Variants in MCMBP observed in about 807,000 individuals in gnomAD.
MCMBP encodes the protein mini-chromosome maintenance complex-binding protein.
Under a neutral mutation model 81.3 loss-of-function variants are expected in MCMBP, and 31 were observed. That is an observed-to-expected ratio of 0.38 (90% confidence interval 0.29 to 0.51). The LOEUF is 0.51. MCMBP is among the 20% of genes least tolerant of loss of function. The pLI is 0.87. For missense variants in MCMBP, 645 were observed against 772.1 expected (o/e 0.84, Z 1.95); for synonymous variants, 267 against 275.9 (o/e 0.97, Z 0.32).
At chr10:119,849,711 A>C (rs1852740888) in intron 6 of MCMBP, 135 bp from the exon 7 acceptor site, 1 of 707,506 alleles carries the variant, frequency 1.4e-6, no homozygotes, top group Non-Finnish European at 2.2e-6. Context: ...TACAGTTTTT[A>C]AGGAAACAGC....
At chr10:119,851,866 G>A (rs1037195547) in intron 6 of MCMBP, among the ~76,000 whole-genome samples, 1 of 152,012 alleles carries the variant, frequency 6.6e-6, no homozygotes, top group Non-Finnish European at 1.5e-5. Context: ...TGTTAAATTT[G>A]CCTTGGCCAG....
In MCMBP at chr10:119,840,846, T is replaced by C; in HGVS notation, c.1239A>G (p.Pro413=). The change falls in exon 11 of 16, where the codon CCA becomes CCG. Residue 413 remains proline, a synonymous_variant. Transcript: ENST00000369077. The part of the protein sequence containing the change: ...HLYRIIQHLV[P]ASFRLQMTIE... ...TACATATTTATATTCATCTTACTGC[T>C]GGAACAAGATGTTGAATAATTCGAT... 6.4e-7 allele frequency: 1 copy of C among 1,573,110 alleles called. No individual in the cohort carries two copies. The highest frequency in any genetic ancestry group is 8.7e-7 in the Non-Finnish European group (1 of 1,155,750).
At chr10:119,869,156 A>AGGGTCT (rs1853575226) in intron 1 of MCMBP, among the ~76,000 whole-genome samples, 1 of 152,202 alleles carries the variant, frequency 6.6e-6, no homozygotes, top group East Asian at 1.9e-4. Flanking sequence ...ATTGGAGATG[A>AGGGTCT]GGGTCTGGGT....
chr10:119,864,502 T>A (rs1853379119), intron 1 of MCMBP, among the ~76,000 whole-genome samples: 1 of 149,572 alleles, frequency 6.7e-6, no homozygotes, highest in African/African-American at 2.4e-5. Flanking sequence ...TGTCTTCCTT[T>A]TTTTCTTTTC....
intron 1 of MCMBP, among the ~76,000 whole-genome samples, chr10:119,861,680 C>T (rs543796899): frequency 1.1e-4 from 16 of 152,288 alleles, no homozygotes; most frequent in Admixed American, 3.9e-4. Flanking sequence ...AGTAAAGCTA[C>T]ATCAAGCAGT....
In MCMBP at chr10:119,859,783, AT is replaced by A; in HGVS notation, c.144+15del. Reference sequence around the variant, plus strand: ...GTCTGTCCAACCCTCTCCCTCGAAAATAGCAATAAGCTTACCCACTTAGGAG... The same window carrying A: ...GTCTGTCCAACCCTCTCCCTCGAAAAAGCAATAAGCTTACCCACTTAGGAG... On this transcript the variant is annotated intron_variant, in intron 2 of 15. Coordinates refer to ENST00000369077, the MANE Select transcript of MCMBP (RefSeq NM_001256378.2). The A allele has an allele frequency of 6.3e-7, 1 of 1,586,370 alleles. No homozygotes were observed. The highest frequency in any genetic ancestry group is 1.1e-5 in the South Asian group (1 of 89,942).
intron 13 of MCMBP, among the ~76,000 whole-genome samples, chr10:119,836,053 C>CA (rs1338287229): frequency 2.6e-5 from 4 of 152,182 alleles, no homozygotes; most frequent in Non-Finnish European, 5.9e-5. Context: ...AGGCTGGCCT[C>CA]AAAGTTCTGG....
intron 9 of MCMBP, chr10:119,843,028 C>T: frequency 2.1e-6 from 1 of 484,902 alleles, no homozygotes. Context: ...GCTAAGATTA[C>T]AGGCGTGAGC....
In MCMBP at chr10:119,859,117, C is replaced by G; in HGVS notation, c.209G>C (p.Cys70Ser). 6.2e-7 allele frequency: 1 copy of G among 1,613,960 alleles called. No individual in the cohort carries two copies. Among genetic ancestry groups the G allele is most frequent in the Non-Finnish European group, 8.5e-7 (1 of 1,179,894 alleles). ...AGGGTCAAACATATCCTGAATCATG[C>G]AACGAAATTTCACAAAACTATTAGG... is the stretch of plus-strand genomic sequence containing the variant. The part of the protein sequence containing the change: ...LKPNSFVKFR[C>S]MIQDMFDPEF... The change falls in exon 3 of 16, where the codon TGC (cysteine) becomes TCC (serine). Residue 70 changes from cysteine to serine, a missense_variant. Coordinates refer to ENST00000369077, the MANE Select transcript of MCMBP (RefSeq NM_001256378.2).
rs1254778286 is a variant in MCMBP at position 119,859,117 on chromosome 10, CA to C, written c.208del (p.Cys70AlafsTer2). The C allele has an allele frequency of 6.2e-7, 1 of 1,613,960 alleles. No individual in the cohort carries two copies. Among genetic ancestry groups the C allele is most frequent in the Admixed American group, 1.7e-5 (1 of 60,014 alleles). ...LKPNSFVKFR[C>X]MIQDMFDPEF... is the part of the protein sequence containing the mutation. Reference sequence around the variant, plus strand: ...AGGGTCAAACATATCCTGAATCATGCAACGAAATTTCACAAAACTATTAGGT... The same window carrying C: ...AGGGTCAAACATATCCTGAATCATGCACGAAATTTCACAAAACTATTAGGT... On this transcript the variant is annotated frameshift_variant, in exon 3 of 16. Coordinates refer to ENST00000369077, the MANE Select transcript of MCMBP (RefSeq NM_001256378.2). LOFTEE classifies it high-confidence loss of function.
At chr10:119,871,810 C>G (rs1228642611) in intron 1 of MCMBP, among the ~76,000 whole-genome samples, 7 of 152,198 alleles carry the variant, frequency 4.6e-5, no homozygotes, top group Non-Finnish European at 1.0e-4. Flanking sequence ...CAAATATAAA[C>G]TTTTCTTCGT....
In MCMBP at chr10:119,829,890, T is replaced by G. The variant is rs6881; in HGVS notation, c.*1584A>C. ...TGTATTTTTCTTTGGTAAATTACAA[T>G]TTACATTGGCACAAAAAACACATGG... is the stretch of plus-strand genomic sequence containing the variant. On this transcript the variant is annotated 3_prime_UTR_variant, in exon 16 of 16. Transcript: ENST00000369077. 0.51 allele frequency: 77,112 copies of G among 152,258 alleles called. 19,769 individuals are homozygous for G. Among genetic ancestry groups the G allele is most frequent in the East Asian group, 0.63 (3,242 of 5,178 alleles). 9.4% of individuals were successfully genotyped at this position (152,258 alleles called of 1,614,324 possible).
At chr10:119,857,231 T>C (rs1482287651) in intron 5 of MCMBP, 107 bp downstream of exon 5, 3 of 762,710 alleles carry the variant, frequency 3.9e-6, no homozygotes, top group African/African-American at 1.8e-5. Flanking sequence ...TTAGAACAAA[T>C]GAAACACACT....
At chr10:119,837,933 A>C (rs1407566358) in intron 12 of MCMBP, among the ~76,000 whole-genome samples, 1 of 152,144 alleles carries the variant, frequency 6.6e-6, no homozygotes, top group Non-Finnish European at 1.5e-5. Context: ...GCACTGTGGG[A>C]GGCCAAGGCA....
In MCMBP at chr10:119,849,564, C is replaced by G; in HGVS notation, c.587G>C (p.Gly196Ala). 1 of 1,581,636 alleles carries G rather than the reference C, an allele frequency of 6.3e-7. No individual in the cohort carries two copies. Residue 196 changes from glycine to alanine, a missense_variant, in exon 7 of 16, where the codon GGT becomes GCT. Coordinates refer to ENST00000369077, the MANE Select transcript of MCMBP (RefSeq NM_001256378.2). ...AGARQAGSVG[G>A]LQWCGEPKRL... ...TTTTGGCTCTCCACACCATTGAAGA[C>G]CACCAACACTCCCTAAATTCAAAGG...
intron 6 of MCMBP, 40 bp downstream of exon 6, chr10:119,852,991 TGAAAACCAATCTACTGTAA>T: frequency 1.3e-6 from 2 of 1,593,570 alleles, no homozygotes; most frequent in South Asian, 2.2e-5. Context: ...CAATTCACTC[TGAAAACCAATCTACTGTAA>T]GAGAGCAAAG....
chr10:119,847,961 AAAAAAAAGGCTTTTCCTAAAATT>A (rs1257849600), intron 7 of MCMBP, among the ~76,000 whole-genome samples: 2 of 152,096 alleles, frequency 1.3e-5, no homozygotes, highest in African/African-American at 4.8e-5. Flanking sequence ...AGTACTACAA[AAAAAAAAGGCTTTTCCTAAAATT>A]AAAAAAAGCC....
In MCMBP at chr10:119,835,684, T is replaced by G; in HGVS notation, c.1563A>C (p.Leu521Phe). ...SLLPADCQIH[L>F]QPQLIPPNME... is the part of the protein sequence containing the mutation. ...TGTTTGGTGGAATTAGCTGGGGCTG[T>G]AAGTGAATCTGGCAGTCTGCCTGAA... The change falls in exon 14 of 16, where the codon TTA (leucine) becomes TTC (phenylalanine). Residue 521 changes from leucine to phenylalanine, a missense_variant. Leu to Phe is a conservative substitution (Grantham distance 22). Transcript: ENST00000369077. 6.2e-7 allele frequency: 1 copy of G among 1,614,254 alleles called. No homozygotes were observed. Among genetic ancestry groups the G allele is most frequent in the Non-Finnish European group, 8.5e-7 (1 of 1,180,042 alleles).
intron 6 of MCMBP, among the ~76,000 whole-genome samples, chr10:119,851,043 T>C (rs1852807510): frequency 1.3e-5 from 2 of 151,708 alleles, no homozygotes; most frequent in Admixed American, 1.3e-4. Flanking sequence ...CAGCTAATTT[T>C]TGTATTTTTA....
Sources: gnomAD v4.1 joint callset for allele counts (sites outside exome capture counted in the v4.1 genomes callset) on GRCh38, gnomAD v4.1.1 for gene constraint, MANE v1.5 for transcripts, NCBI Gene and HGNC (gene_info 2026-07-23, HGNC 2026-07-21) for gene names.